SEC61A2: variants seen among roughly 807,000 people sequenced by gnomAD.
SEC61A2 encodes SEC61 translocon subunit alpha 2, also known as protein transport protein Sec61 subunit alpha isoform 2.
A neutral mutation model predicts 59.9 loss-of-function variants in SEC61A2; 28 were observed. That is an observed-to-expected ratio of 0.47 (90% confidence interval 0.35 to 0.64). The LOEUF is 0.64. Ranked by LOEUF, SEC61A2 falls within the 30% of genes least tolerant of loss-of-function variation. The pLI, the probability that SEC61A2 is intolerant of heterozygous loss-of-function variation, is 0.01. For synonymous variants in SEC61A2, 202 were observed against 214.4 expected, an observed-to-expected ratio of 0.94 and a Z score of 0.50; for missense variants, 340 against 585.9, an observed-to-expected ratio of 0.58 and a Z score of 4.33.
intron 3 of SEC61A2, among the ~76,000 whole-genome samples, chr10:12,141,685 A>G (rs1159441010): frequency 6.6e-6 from 1 of 152,188 alleles, no homozygotes; most frequent in Non-Finnish European, 1.5e-5. Context: ...TTACAGTGTC[A>G]TAGTTTATAT....
rs777842015 is a variant in SEC61A2, at chr10:12,148,010, G to A, written c.221-1585G>A. The stretch of plus-strand genomic sequence containing the variant: ...GAAGTAAGTGCAGTGGCACGATCTC[G>A]GCTCACTGCAACCTCTGCCTCCCAG... On this transcript the variant is annotated intron_variant, in intron 4 of 11. Coordinates refer to ENST00000298428, the MANE Select transcript of SEC61A2 (RefSeq NM_018144.4). Among the ~76,000 whole-genome samples the A allele has an allele frequency of 1.8e-3, 275 of 150,264 alleles. 2 individuals are homozygous for A. The highest frequency in any genetic ancestry group is 3.5e-3 in the Admixed American group (52 of 15,010).
chr10:12,150,153 G>A (rs1834241585), intron 6 of SEC61A2, among the ~76,000 whole-genome samples, 192 bp downstream of exon 6: 1 of 152,152 alleles, frequency 6.6e-6, no homozygotes, highest in South Asian at 2.1e-4. Flanking sequence ...TGTTCAAGTT[G>A]TGTTGACGTG....
intron 2 of SEC61A2, among the ~76,000 whole-genome samples, chr10:12,134,023 T>G (rs1235104506): frequency 6.6e-6 from 1 of 152,222 alleles, no homozygotes; most frequent in East Asian, 1.9e-4. Context: ...TTATTTATTT[T>G]TGAGACGGAG....
chr10:12,145,297 C>T lies in SEC61A2; in HGVS notation c.220+2102C>T, dbSNP rs1834113490. On this transcript the variant is annotated intron_variant, in intron 4 of 11. Coordinates refer to ENST00000298428, the MANE Select transcript of SEC61A2 (RefSeq NM_018144.4). This position sits in a 1 kb window ranked among gnomAD's most constrained non-coding sequence, Gnocchi z 4.4. ...TAAAGAATGCTACAATGAAGGCTATCACACCGTTCTGTAACTTTTTGATAG... is the reference window on the plus strand; with the variant it reads ...TAAAGAATGCTACAATGAAGGCTATTACACCGTTCTGTAACTTTTTGATAG... Among the ~76,000 whole-genome samples the T allele has an allele frequency of 6.6e-6, 1 of 152,176 alleles. No individual in the cohort carries two copies. The highest frequency in any genetic ancestry group is 1.5e-5 in the Non-Finnish European group (1 of 68,032).
intron 9 of SEC61A2, among the ~76,000 whole-genome samples, chr10:12,159,384 C>T (rs187539443): frequency 1.2e-3 from 187 of 152,200 alleles, no homozygotes; most frequent in Non-Finnish European, 2.3e-3. Flanking sequence ...GGGGTATTTT[C>T]CCTCTTAAAA....
chr10:12,143,263 A>C lies in SEC61A2; in HGVS notation c.220+68A>C. The C allele has an allele frequency of 8.6e-7, 1 of 1,162,164 alleles. No individual in the cohort carries two copies. The highest frequency in any genetic ancestry group is 1.3e-6 in the Non-Finnish European group (1 of 769,522). The allele number at this position is 1,162,164 out of a possible 1,614,324, so 72.0% of individuals were successfully genotyped here. ...ACAGATGGAAACATGTGGATTAGCA[A>C]TGAGTTTTCAATGTCTACAGGGAGG... On this transcript the variant is annotated intron_variant, in intron 4 of 11. Transcript: ENST00000298428. The surrounding 1 kb of genome is among the most constrained non-coding windows in gnomAD (Gnocchi z 4.8).
Position 12,141,875 on chromosome 10 carries a change from C to T in SEC61A2, c.142-1242C>T, listed in dbSNP as rs80243741. On this transcript the variant is annotated intron_variant, in intron 3 of 11. Coordinates refer to ENST00000298428, the MANE Select transcript of SEC61A2 (RefSeq NM_018144.4). The stretch of plus-strand genomic sequence containing the variant: ...TGAAAGGGCCATATATGCAAAATGA[C>T]CCGCAAACACTGAAGGAGCTGCGAA... Among the ~76,000 whole-genome samples, 1,085 of 152,244 alleles carry T rather than the reference C, an allele frequency of 7.1e-3. 12 individuals carry two copies. The highest frequency in any genetic ancestry group is 0.025 in the African/African-American group (1,046 of 41,522).
chr10:12,168,658 G>A (rs4750180), downstream of SEC61A2, among the ~76,000 whole-genome samples: 53,261 of 152,056 alleles, frequency 0.35, 9,774 homozygotes, highest in East Asian at 0.42. The surrounding 1 kb of genome is among the most constrained non-coding windows in gnomAD (Gnocchi z 4.8). Context: ...TTGGGAACAA[G>A]CCTGGGGACA....
At chr10:12,150,068 A>G in intron 6 of SEC61A2, 107 bp downstream of exon 6, 1 of 755,842 alleles carries the variant, frequency 1.3e-6, no homozygotes, top group Non-Finnish European at 2.1e-6. Flanking sequence ...TTACTTTTGA[A>G]TTATTTAATT....
At chr10:12,134,900 CAG>C (rs1229953324) in intron 2 of SEC61A2, among the ~76,000 whole-genome samples, 2 of 146,020 alleles carry the variant, frequency 1.4e-5, no homozygotes, top group African/African-American at 2.6e-5. Flanking sequence ...GCCTGGGCAA[CAG>C]GGTGAGACTC....
chr10:12,165,443 T>A (rs1834647143), downstream of SEC61A2: 1 of 818,442 alleles, frequency 1.2e-6, no homozygotes, highest in East Asian at 1.3e-4. Context: ...TTCAGTGTAT[T>A]CATAAGAAGT....
At position 12,129,980 on chromosome 10, in the gene SEC61A2, C is replaced by T. The variant is rs1474002355; in HGVS notation, c.7+186C>T. 3.9e-5 allele frequency among the ~76,000 whole-genome samples: 6 copies of T among 152,082 alleles called. No homozygotes were observed. The highest frequency in any genetic ancestry group is 7.4e-5 in the Non-Finnish European group (5 of 67,990). ...CTCCCCTAGCCGTGCGAGGCCTTGC[C>T]CGGCGGGTACCGGGACCCGGAGGCC... On this transcript the variant is annotated intron_variant, in intron 1 of 11. Transcript: ENST00000298428. This position sits in a 1 kb window ranked among gnomAD's most constrained non-coding sequence, Gnocchi z 5.6.
chr10:12,169,786 T>C (rs1036550281), downstream of SEC61A2: 2 of 268,458 alleles, frequency 7.4e-6, no homozygotes, highest in African/African-American at 4.4e-5. This position sits in a 1 kb window ranked among gnomAD's most constrained non-coding sequence, Gnocchi z 4.8. Flanking sequence ...GCTCTGCTTA[T>C]TCACTGAAAC....
Position 12,149,600 on chromosome 10 carries a change from T to G in SEC61A2, c.226T>G (p.Leu76Val). 1 of 1,603,564 alleles carries G rather than the reference T, an allele frequency of 6.2e-7. No homozygotes were observed. The highest frequency in any genetic ancestry group is 8.5e-7 in the Non-Finnish European group (1 of 1,176,534). Residue 76 changes from leucine to valine, a missense_variant, in exon 5 of 12, where the codon TTA becomes GTA. This residue lies in a region of SEC61A2 where 16 missense variants were observed against 55.0 expected (regional missense o/e 0.29). Coordinates refer to ENST00000298428, the MANE Select transcript of SEC61A2 (RefSeq NM_018144.4). The surrounding 1 kb of genome is among the most constrained non-coding windows in gnomAD (Gnocchi z 5.2). ...RVILASNRGTLMELGISPIVT... is the reference protein window; with the variant it reads ...RVILASNRGTVMELGISPIVT... ...TCTCTCCCCTTCCTTTCCAGGAACTTTAATGGAATTGGGTATCTCCCCAAT... is the reference window on the plus strand; with the variant it reads ...TCTCTCCCCTTCCTTTCCAGGAACTGTAATGGAATTGGGTATCTCCCCAAT...
chr10:12,132,643 A>T lies in SEC61A2; in HGVS notation c.8-598A>T, dbSNP rs868339825. On this transcript the variant is annotated intron_variant, in intron 1 of 11. Transcript: ENST00000298428. ...AAAAAAAAAAAAAGTTAACTATAGG[A>T]GGTGATTCCATGATTTTTTTGTCAC... is the stretch of plus-strand genomic sequence containing the variant. Among the ~76,000 whole-genome samples the T allele has an allele frequency of 2.3e-4, 31 of 134,002 alleles. 1 individual carries two copies. Among genetic ancestry groups the T allele is most frequent in the Admixed American group, 2.2e-3 (29 of 12,988 alleles). 87.9% of individuals were successfully genotyped at this position (134,002 alleles called of 152,430 possible). A position where few individuals can be genotyped will look rare whatever the true frequency, so the allele number is the denominator to read the frequency against.
rs1010744140 is a variant in SEC61A2, at chr10:12,158,952, A to T, written c.975+847A>T. Among the ~76,000 whole-genome samples the T allele has an allele frequency of 6.6e-6, 1 of 151,220 alleles. No individual in the cohort carries two copies. The highest frequency in any genetic ancestry group is 2.4e-5 in the African/African-American group (1 of 41,134). On this transcript the variant is annotated intron_variant, in intron 9 of 11. Coordinates refer to ENST00000298428, the MANE Select transcript of SEC61A2 (RefSeq NM_018144.4). The surrounding 1 kb of genome is among the most constrained non-coding windows in gnomAD (Gnocchi z 5.7). ...TAGTAATATAATCCTATACATTCTC[A>T]TATACATCCCCCATCATAATTTTTT...
In SEC61A2 at chr10:12,162,555, C is replaced by T. The variant is rs1176660209; in HGVS notation, c.1244+266C>T. 6.9e-6 allele frequency: 4 copies of T among 578,496 alleles called. No homozygotes were observed. Among genetic ancestry groups the T allele is most frequent in the South Asian group, 1.7e-5 (1 of 58,918 alleles). The allele number at this position is 578,496 out of a possible 1,614,324, so 35.8% of individuals were successfully genotyped here. ...AGCATTGGCTGGCTGCACATACAAT[C>T]ACCAGAGAGCTTTTAAAAAGGATTT... is the stretch of plus-strand genomic sequence containing the variant. On this transcript the variant is annotated intron_variant, in intron 11 of 11. Transcript: ENST00000298428. This position sits in a 1 kb window ranked among gnomAD's most constrained non-coding sequence, Gnocchi z 6.1.
At chr10:12,144,774 G>C (rs1438378346) in intron 4 of SEC61A2, among the ~76,000 whole-genome samples, 1 of 152,214 alleles carries the variant, frequency 6.6e-6, no homozygotes, top group Non-Finnish European at 1.5e-5. Context: ...GGAGGGGCCA[G>C]GCGCAGGGGC....
downstream of SEC61A2, chr10:12,169,287 G>T: frequency 6.4e-7 from 1 of 1,554,616 alleles, no homozygotes; most frequent in East Asian, 2.4e-5. The surrounding 1 kb of genome is among the most constrained non-coding windows in gnomAD (Gnocchi z 4.8). Flanking sequence ...AGGTGGAAGG[G>T]AGAAGGAAGA....
Sources: allele counts gnomAD v4.1 joint callset (sites outside exome capture counted in the v4.1 genomes callset), GRCh38; gene constraint gnomAD v4.1.1; regional missense constraint gnomAD v4.1.1; non-coding constraint Gnocchi (gnomAD v3.1); transcripts MANE v1.5; gene names NCBI Gene and HGNC (gene_info 2026-07-23, HGNC 2026-07-21).